Variants in APOO observed in about 807,000 individuals in gnomAD.
APOO encodes apolipoprotein O.
Under a neutral mutation model 23.1 loss-of-function variants are expected in APOO, and 11 were observed. That is an observed-to-expected ratio of 0.48 (90% CI 0.30 to 0.79). The LOEUF is 0.79. Ranked by LOEUF, APOO falls within the 30% of genes least tolerant of loss-of-function variation. APOO has a pLI of 0.07. For synonymous variants in APOO, 59 were observed against 54.8 expected, an observed-to-expected ratio of 1.08 and a Z score of -0.34; for missense variants, 160 against 142.7, an observed-to-expected ratio of 1.12 and a Z score of -0.62.
In APOO at chrX:23,858,688, A is replaced by G. The variant is rs1219731218; in HGVS notation, c.434T>C (p.Leu145Ser). The change falls in exon 6 of 9, where the codon TTA (leucine) becomes TCA (serine). Residue 145 changes from leucine to serine, a missense_variant. Coordinates refer to ENST00000379226, the MANE Select transcript of APOO (RefSeq NM_024122.5). ...TTGTGGATAATAGAGGGAGGCAGCT[A>G]ATCCCATGAAACCAGGCGGATACAC... is the stretch of plus-strand genomic sequence containing the variant. ...KLVYPPGFMGLAASLYYPQQA... is the reference protein window; with the variant it reads ...KLVYPPGFMGSAASLYYPQQA... The G allele has an allele frequency of 3.3e-6, 4 of 1,209,884 alleles. No homozygotes were observed. The highest frequency in any genetic ancestry group is 3.4e-6 in the Non-Finnish European group (3 of 895,178).
rs773190287 is a variant in APOO at position 23,907,678 on chromosome X, G to A, written c.9+16C>T. 4 of 1,156,062 alleles carry A rather than the reference G, an allele frequency of 3.5e-6. No homozygotes were observed. Among genetic ancestry groups the A allele is most frequent in the East Asian group, 3.3e-5 (1 of 29,982 alleles). ...GAGGGGGCGGTGACAGCTGTGACTC[G>A]ACTCCACGCTCTCACCTTGAACATG... On this transcript the variant is annotated intron_variant, in intron 1 of 8. Coordinates refer to ENST00000379226, the MANE Select transcript of APOO (RefSeq NM_024122.5).
At chrX:23,899,395 A>C (rs991036058) in intron 1 of APOO, among the ~76,000 whole-genome samples, 8 of 112,396 alleles carry the variant, frequency 7.1e-5, no homozygotes, top group African/African-American at 2.3e-4. Context: ...TAAGTTTAAA[A>C]ACCTACCACA....
Position 23,868,724 on chromosome X carries a change from A to G in APOO, c.293-36T>C, listed in dbSNP as rs1569235111. The G allele has an allele frequency of 5.4e-6, 6 of 1,111,929 alleles. No homozygotes were observed. In the South Asian group the frequency reaches 1.2e-4, roughly 22 times the overall value. 91.6% of individuals were successfully genotyped at this position (1,111,929 alleles called of 1,213,427 possible). On this transcript the variant is annotated intron_variant, in intron 4 of 8. Transcript: ENST00000379226. ...ATTAGACCAGGAAGCAGTTCCATAA[A>G]TTTCTCATTAAAAAACAAAACAAAA...
rs190906956 is a variant in APOO, at chrX:23,894,728, G to A, written c.9+12966C>T. Among the ~76,000 whole-genome samples, 7 of 108,515 alleles carry A rather than the reference G, an allele frequency of 6.5e-5. No individual in the cohort carries two copies. The East Asian group carries it at 1.2e-3, about 18-fold the overall frequency. The allele number at this position is 108,515 out of a possible 115,157, so 94.2% of individuals were successfully genotyped here. A position where few individuals can be genotyped will look rare whatever the true frequency, so the allele number is the denominator to read the frequency against. ...AGAGAATTGCTTGAACCCTGGAGGC[G>A]GAGGTTGCAGTGAGCCGAGATCATG... On this transcript the variant is annotated intron_variant, in intron 1 of 8. Transcript: ENST00000379226.
intron 4 of APOO, among the ~76,000 whole-genome samples, chrX:23,873,320 C>T (rs1220619952): frequency 9.0e-6 from 1 of 110,799 alleles, no homozygotes; most frequent in Non-Finnish European, 1.9e-5. Context: ...TTTAAAGAAC[C>T]AGTAGGGGGC....
chrX:23,888,976 C>CAAA (rs35852743), intron 1 of APOO, among the ~76,000 whole-genome samples: 1 of 64,060 alleles, frequency 1.6e-5, no homozygotes, highest in African/African-American at 5.6e-5. Flanking sequence ...TCCATCTCTA[C>CAAA]AAAAAAAAAA....
intron 5 of APOO, among the ~76,000 whole-genome samples, chrX:23,859,539 G>C (rs1331253455): frequency 9.1e-6 from 1 of 110,332 alleles, no homozygotes; most frequent in Non-Finnish European, 1.9e-5. Flanking sequence ...TGCCTCTCGG[G>C]TTCAGGCAAT....
At chrX:23,888,581 A>C (rs1178336184) in intron 1 of APOO, among the ~76,000 whole-genome samples, 1 of 111,235 alleles carries the variant, frequency 9.0e-6, no homozygotes, top group Non-Finnish European at 1.9e-5. Flanking sequence ...GGCCCAGCAC[A>C]GTGGCTCACG....
At chrX:23,901,993 T>C (rs1275834862) in intron 1 of APOO, among the ~76,000 whole-genome samples, 1 of 112,040 alleles carries the variant, frequency 8.9e-6, no homozygotes, top group East Asian at 2.8e-4. Context: ...AAGATCAGCA[T>C]AGGCATGTTC....
intron 5 of APOO, 139 bp downstream of exon 5, chrX:23,868,454 A>G: frequency 2.4e-6 from 1 of 416,678 alleles, no homozygotes; most frequent in Non-Finnish European, 4.2e-6. Context: ...TATGATAACC[A>G]TATCCATTAT....
chrX:23,902,849 T>C (rs1264101518), intron 1 of APOO, among the ~76,000 whole-genome samples: 2 of 111,026 alleles, frequency 1.8e-5, no homozygotes, highest in East Asian at 2.8e-4. Context: ...CCCCGATCAA[T>C]CCTACCGTTT....
Position 23,844,543 on chromosome X carries a change from G to C in APOO, c.562-4166C>G, listed in dbSNP as rs771411863. Reference sequence around the variant, plus strand: ...CTGCAAACGACTTGCTGCAGGCTTCGACAATAGAGGAAGGAAGCTGGAAAC... The same window carrying C: ...CTGCAAACGACTTGCTGCAGGCTTCCACAATAGAGGAAGGAAGCTGGAAAC... On this transcript the variant is annotated intron_variant, in intron 7 of 8. Coordinates refer to ENST00000379226, the MANE Select transcript of APOO (RefSeq NM_024122.5). Among the ~76,000 whole-genome samples, 69 of 110,988 alleles carry C rather than the reference G, an allele frequency of 6.2e-4. 1 individual carries two copies. In the Middle Eastern group the frequency reaches 0.014, roughly 22 times the overall value.
At chrX:23,849,453 A>G (rs1384026292) in intron 7 of APOO, among the ~76,000 whole-genome samples, 1 of 108,130 alleles carries the variant, frequency 9.2e-6, no homozygotes, top group Non-Finnish European at 1.9e-5. Flanking sequence ...CTATAGCATA[A>G]ATGTGTAATC....
At chrX:23,856,522 A>C in intron 6 of APOO, 140 bp from the exon 7 acceptor site, 20 of 403,726 alleles carry the variant, frequency 5.0e-5, no homozygotes, top group East Asian at 9.4e-5. Context: ...ATAGCAAAAC[A>C]TGGAATCAAC....
intron 1 of APOO, among the ~76,000 whole-genome samples, chrX:23,889,904 G>A (rs971019934): frequency 1.6e-4 from 17 of 109,556 alleles, no homozygotes; most frequent in Non-Finnish European, 2.3e-4. Context: ...CTCGTGATCC[G>A]CCCACCTCGG....
chrX:23,871,531 C>T (rs1470768324), intron 4 of APOO, among the ~76,000 whole-genome samples: 3 of 111,382 alleles, frequency 2.7e-5, no homozygotes, highest in African/African-American at 9.8e-5. Flanking sequence ...CCTGATCATG[C>T]TGGGCCCAGT....
intron 7 of APOO, among the ~76,000 whole-genome samples, chrX:23,842,057 G>A (rs1305694553): frequency 9.0e-6 from 1 of 110,936 alleles, no homozygotes; most frequent in Non-Finnish European, 1.9e-5. Context: ...AATATCCCTA[G>A]GGCCTCCTAG....
chrX:23,881,234 C>T (rs902731296), intron 1 of APOO, among the ~76,000 whole-genome samples: 2 of 109,345 alleles, frequency 1.8e-5, no homozygotes, highest in African/African-American at 6.7e-5. Flanking sequence ...GCCACCACAC[C>T]CGGCTAATTT....
At chrX:23,898,330 T>C (rs754905523) in intron 1 of APOO, among the ~76,000 whole-genome samples, 22 of 110,035 alleles carry the variant, frequency 2.0e-4, no homozygotes, top group Non-Finnish European at 3.8e-4. Context: ...CTCAAACTCC[T>C]GGACTCAAGG....
Sources: allele counts gnomAD v4.1 joint callset (sites outside exome capture counted in the v4.1 genomes callset), GRCh38; gene constraint gnomAD v4.1.1; transcripts MANE v1.5; gene names NCBI Gene and HGNC (gene_info 2026-07-23, HGNC 2026-07-21).